SNX29: variants seen among roughly 807,000 people sequenced by gnomAD.
SNX29 encodes the protein sorting nexin 29, also known as sorting nexin-29.
A neutral mutation model predicts 102.1 loss-of-function variants in SNX29; 78 were observed. The observed-to-expected ratio is 0.76, with a 90% CI of 0.64 to 0.92. The LOEUF is 0.92. Ranked by LOEUF, SNX29 falls within the 40% of genes least tolerant of loss-of-function variation. SNX29 has a pLI of 0.00. For synonymous variants in SNX29, 580 were observed against 414.5 expected, an observed-to-expected ratio of 1.40 and a Z score of -4.85; for missense variants, 1,280 against 1,061.7, an observed-to-expected ratio of 1.21 and a Z score of -2.86.
At chr16:12,007,090 C>G (rs768521602) in intron 3 of SNX29, among the ~76,000 whole-genome samples, 2 of 152,184 alleles carry the variant, frequency 1.3e-5, no homozygotes, top group Non-Finnish European at 2.9e-5. Flanking sequence ...TTATTCTCCT[C>G]TACCTCAGTG....
At chr16:12,222,610 C>T (rs1365528058) in intron 14 of SNX29, among the ~76,000 whole-genome samples, 1 of 152,016 alleles carries the variant, frequency 6.6e-6, no homozygotes, top group East Asian at 1.9e-4. Context: ...TCTCTGTCAC[C>T]CAGGCTGGAG....
intron 20 of SNX29, among the ~76,000 whole-genome samples, chr16:12,563,834 C>A (rs1007391994): frequency 1.1e-4 from 16 of 148,962 alleles, no homozygotes; most frequent in African/African-American, 4.2e-4. Flanking sequence ...TTCAGGCTGC[C>A]TGTAAATATC....
At chr16:12,006,663 C>T (rs1183256644) in intron 3 of SNX29, among the ~76,000 whole-genome samples, 3 of 151,368 alleles carry the variant, frequency 2.0e-5, no homozygotes, top group African/African-American at 7.3e-5. Context: ...CTCTGTTGCT[C>T]AGCCTGGAGT....
chr16:12,218,612 A>G (rs977608048), intron 14 of SNX29, among the ~76,000 whole-genome samples: 5 of 152,200 alleles, frequency 3.3e-5, no homozygotes, highest in Admixed American at 6.5e-5. Context: ...TTTTTCAGGT[A>G]AGAGTGTATC....
At chr16:12,544,636 G>A (rs565519526) in intron 20 of SNX29, among the ~76,000 whole-genome samples, 1 of 152,320 alleles carries the variant, frequency 6.6e-6, no homozygotes, top group East Asian at 1.9e-4. Context: ...GGATCGGCAG[G>A]TTCATGTCAG....
intron 18 of SNX29, among the ~76,000 whole-genome samples, chr16:12,448,366 G>A (rs2086156802): frequency 1.3e-5 from 2 of 152,162 alleles, no homozygotes; most frequent in African/African-American, 4.8e-5. Context: ...GTATTGGACA[G>A]CGTTTTTACC....
At chr16:12,453,764 C>T (rs2151725595) in intron 18 of SNX29, among the ~76,000 whole-genome samples, 1 of 152,224 alleles carries the variant, frequency 6.6e-6, no homozygotes, top group African/African-American at 2.4e-5. Context: ...TTTAATTCTG[C>T]TTGATATTGT....
intron 11 of SNX29, among the ~76,000 whole-genome samples, chr16:12,084,132 G>T (rs1477506695): frequency 6.6e-6 from 1 of 150,632 alleles, no homozygotes; most frequent in African/African-American, 2.5e-5. Flanking sequence ...ACAAAAGCCT[G>T]TTATGAAAAA....
intron 20 of SNX29, among the ~76,000 whole-genome samples, chr16:12,545,978 G>A (rs548983492): frequency 5.9e-5 from 9 of 152,268 alleles, no homozygotes; most frequent in South Asian, 2.1e-4. Flanking sequence ...GCTTCAGTGG[G>A]CACTGTAGTT....
intron 13 of SNX29, among the ~76,000 whole-genome samples, chr16:12,132,540 T>G (rs1034880815): frequency 2.0e-5 from 3 of 152,228 alleles, no homozygotes; most frequent in African/African-American, 7.2e-5. Context: ...GAGAGGATGA[T>G]CTCATCTAGC....
At chr16:12,264,493 T>C (rs1195590147) in intron 14 of SNX29, among the ~76,000 whole-genome samples, 1 of 152,106 alleles carries the variant, frequency 6.6e-6, no homozygotes, top group African/African-American at 2.4e-5. Flanking sequence ...ATAGAAATGC[T>C]CCACAGGGCC....
chr16:12,100,932 T>G (rs2052983497), intron 11 of SNX29, among the ~76,000 whole-genome samples: 1 of 152,072 alleles, frequency 6.6e-6, no homozygotes, highest in African/African-American at 2.4e-5. Context: ...GACTTTTTGA[T>G]TAGGAGGATG....
At chr16:12,477,193 C>T (rs899665901) in intron 18 of SNX29, among the ~76,000 whole-genome samples, 1 of 152,204 alleles carries the variant, frequency 6.6e-6, no homozygotes, top group Non-Finnish European at 1.5e-5. Context: ...GGCATTCGGT[C>T]TAGTGGGGCA....
intron 13 of SNX29, among the ~76,000 whole-genome samples, chr16:12,161,754 T>C (rs2055793510): frequency 6.6e-6 from 1 of 152,080 alleles, no homozygotes; most frequent in Admixed American, 6.5e-5. Flanking sequence ...AGCCTGGCAC[T>C]TCCACCCTCC....
At chr16:12,349,898 C>T (rs2081946815) in intron 15 of SNX29, among the ~76,000 whole-genome samples, 1 of 152,092 alleles carries the variant, frequency 6.6e-6, no homozygotes, top group Admixed American at 6.5e-5. Context: ...TTTTAAAAAA[C>T]TTTCAATTCA....
At chr16:12,319,683 A>T (rs1191999023) in intron 15 of SNX29, among the ~76,000 whole-genome samples, 1 of 152,100 alleles carries the variant, frequency 6.6e-6, no homozygotes, top group Non-Finnish European at 1.5e-5. Flanking sequence ...ACCCGCCAGG[A>T]GGAGAGAAGA....
At chr16:12,209,805 T>C (rs2077135918) in intron 14 of SNX29, among the ~76,000 whole-genome samples, 1 of 152,206 alleles carries the variant, frequency 6.6e-6, no homozygotes, top group Non-Finnish European at 1.5e-5. Context: ...ATTTGTGTGT[T>C]GTCCTTAACA....
At chr16:12,562,321 A>G (rs1438830100) in intron 20 of SNX29, among the ~76,000 whole-genome samples, 1 of 152,104 alleles carries the variant, frequency 6.6e-6, no homozygotes, top group Non-Finnish European at 1.5e-5. Flanking sequence ...TGTCCCAAGA[A>G]CCTGCAGGGC....
At chr16:12,235,415 C>T (rs879420717) in intron 14 of SNX29, among the ~76,000 whole-genome samples, 1 of 152,118 alleles carries the variant, frequency 6.6e-6, no homozygotes, top group Admixed American at 6.6e-5. Context: ...GGCAGTGATC[C>T]ATTTTCACAT....
Sources: gnomAD v4.1 joint callset for allele counts (sites outside exome capture counted in the v4.1 genomes callset) on GRCh38, gnomAD v4.1.1 for gene constraint, MANE v1.5 for transcripts, NCBI Gene and HGNC (gene_info 2026-07-23, HGNC 2026-07-21) for gene names.